ERAP2: variants seen among roughly 807,000 people sequenced by gnomAD.
ERAP2 encodes the protein endoplasmic reticulum aminopeptidase 2.
A neutral mutation model predicts 111.1 loss-of-function variants in ERAP2; 118 were observed. The observed-to-expected ratio is 1.06, with a 90% CI of 0.92 to 1.24. ERAP2 has a LOEUF of 1.24. Among genes scored for constraint, ERAP2 ranks in the 50% most tolerant of loss-of-function variants. The probability of loss-of-function intolerance (pLI) is 0.00; values close to 1 mark genes in which losing one functional copy is unlikely to be tolerated. For synonymous variants in ERAP2, 410 were observed against 401.2 expected (o/e 1.02, Z -0.26); for missense variants, 1,131 against 1,125.8 (o/e 1.00, Z -0.07).
intron 3 of ERAP2, among the ~76,000 whole-genome samples, chr5:96,884,165 AG>A (rs1783487793): frequency 2.0e-5 from 3 of 151,990 alleles, no homozygotes; most frequent in Non-Finnish European, 4.4e-5. Flanking sequence ...TCCCAAGCAA[AG>A]TGATTTATAT....
At chr5:96,878,800 T>C (rs1210729314) in intron 1 of ERAP2, among the ~76,000 whole-genome samples, 2 of 151,984 alleles carry the variant, frequency 1.3e-5, no homozygotes, top group Non-Finnish European at 2.9e-5. Flanking sequence ...TGGTGGCACA[T>C]ACCTGTAATC....
intron 3 of ERAP2, 133 bp downstream of exon 3, chr5:96,884,063 T>A (rs192250956): frequency 4.8e-6 from 3 of 625,026 alleles, no homozygotes; most frequent in African/African-American, 3.9e-5. Context: ...TCTATCTATC[T>A]ATCTATCTAT....
At chr5:96,912,552 TTG>T (rs1022826711) in intron 15 of ERAP2, 83 bp from the exon 16 acceptor site, 2 of 913,922 alleles carry the variant, frequency 2.2e-6, no homozygotes, top group African/African-American at 1.7e-5. Context: ...TCAGAGATTA[TTG>T]TGTTATAGGA....
chr5:96,884,006 T>C, intron 3 of ERAP2, 76 bp downstream of exon 3: 1 of 1,345,244 alleles, frequency 7.4e-7, no homozygotes, highest in Non-Finnish European at 1.0e-6. Context: ...TTAAAATTGC[T>C]TTCAGGATTT....
Position 96,879,682 on chromosome 5 carries a change from T to A in ERAP2, c.-4T>A. On this transcript the variant is annotated 5_prime_UTR_variant, in exon 2 of 19. Coordinates refer to ENST00000437043, the MANE Select transcript of ERAP2 (RefSeq NM_022350.5). ...ATTAACTTGTCTTCTAGAGAATAGA[T>A]TTCATGTTCCATTCTTCTGCAATGG... 6.2e-7 allele frequency: 1 copy of A among 1,611,068 alleles called. No homozygotes were observed. Among genetic ancestry groups the A allele is most frequent in the Non-Finnish European group, 8.5e-7 (1 of 1,177,272 alleles).
intron 7 of ERAP2, 108 bp from the exon 8 acceptor site, chr5:96,896,265 T>G: frequency 1.2e-6 from 1 of 840,440 alleles, no homozygotes; most frequent in Non-Finnish European, 1.8e-6. Flanking sequence ...CCAAGAAATA[T>G]CGATTGAAAT....
chr5:96,890,294 T>A lies in ERAP2; in HGVS notation c.970+989T>A, dbSNP rs1784202772. ...CCACCTCAGAGCATTGGGCATTAGA[T>A]TCTCATAAGGAACACGCAACTTAGA... On this transcript the variant is annotated intron_variant, in intron 5 of 18. Coordinates refer to ENST00000437043, the MANE Select transcript of ERAP2 (RefSeq NM_022350.5). 2.6e-5 allele frequency among the ~76,000 whole-genome samples: 4 copies of A among 152,276 alleles called. No individual in the cohort carries two copies. In the South Asian group the frequency reaches 8.3e-4, roughly 32 times the overall value.
intron 9 of ERAP2, among the ~76,000 whole-genome samples, chr5:96,897,164 CAT>C (rs1243578236): frequency 6.6e-6 from 1 of 152,124 alleles, no homozygotes; most frequent in East Asian, 1.9e-4. Flanking sequence ...TAATTTCTAC[CAT>C]ATAACACCTA....
intron 9 of ERAP2, among the ~76,000 whole-genome samples, chr5:96,899,434 T>C (rs1455662321): frequency 6.6e-6 from 1 of 152,192 alleles, no homozygotes; most frequent in Non-Finnish European, 1.5e-5. Flanking sequence ...TACATGTCAA[T>C]AGCAACTTGA....
Position 96,880,129 on chromosome 5 carries a change from T to G in ERAP2, c.444T>G (p.Ile148Met). The part of the protein sequence containing the change: ...KVLSYPAHEQ[I>M]ALLVPEKLTP... ...TGAGTTACCCTGCTCATGAACAAAT[T>G]GCACTGCTGGTTCCAGAGAAACTTA... Residue 148 changes from isoleucine to methionine, a missense_variant, in exon 2 of 19, where the codon ATT becomes ATG. Physicochemically the swap from Ile to Met is conservative, Grantham distance 10 (BLOSUM62 1). Around this residue, in one of 3 missense-constraint regions of ERAP2, gnomAD observed 847 missense variants for 856.5 expected, o/e 0.99. Coordinates refer to ENST00000437043, the MANE Select transcript of ERAP2 (RefSeq NM_022350.5). 1.2e-6 allele frequency: 2 copies of G among 1,614,122 alleles called. No individual in the cohort carries two copies. Among genetic ancestry groups the G allele is most frequent in the Non-Finnish European group, 1.7e-6 (2 of 1,180,000 alleles).
At position 96,877,938 on chromosome 5, in the gene ERAP2, G is replaced by A. The variant is rs540741480; in HGVS notation, c.-123+1411G>A. Among the ~76,000 whole-genome samples, 5 of 152,290 alleles carry A rather than the reference G, an allele frequency of 3.3e-5. No individual in the cohort carries two copies. In the South Asian group the frequency reaches 6.2e-4, roughly 19 times the overall value. On this transcript the variant is annotated intron_variant, in intron 1 of 18. Transcript: ENST00000437043. ...TGCAAATTGAAAAATTGAAGTAATT[G>A]TTTGGATAATTAATGCTGCAGAACT...
chr5:96,888,284 G>T (rs527479051), intron 4 of ERAP2, among the ~76,000 whole-genome samples: 2 of 152,314 alleles, frequency 1.3e-5, no homozygotes, highest in East Asian at 3.9e-4. Flanking sequence ...CTTAGACATG[G>T]ATGTCTATGC....
chr5:96,886,528 C>A (rs1048849947), intron 3 of ERAP2, 127 bp from the exon 4 acceptor site: 2 of 645,410 alleles, frequency 3.1e-6, no homozygotes, highest in South Asian at 5.6e-5. Flanking sequence ...GCCATTGCCC[C>A]CCTAGGAGGT....
chr5:96,899,680 A>C (rs1429730120), intron 9 of ERAP2, among the ~76,000 whole-genome samples: 1 of 152,210 alleles, frequency 6.6e-6, no homozygotes, highest in Non-Finnish European at 1.5e-5. Context: ...TTGGTAAACA[A>C]AGGTGTTTCC....
chr5:96,906,986 C>A (rs1000935258), intron 13 of ERAP2, among the ~76,000 whole-genome samples: 3 of 152,184 alleles, frequency 2.0e-5, no homozygotes, highest in Non-Finnish European at 4.4e-5. Context: ...CAAGATTGTG[C>A]CATTGCACTC....
chr5:96,881,274 G>C (rs1367173205), intron 2 of ERAP2: 2 of 386,588 alleles, frequency 5.2e-6, no homozygotes, highest in African/African-American at 2.1e-5. Flanking sequence ...GGTCATTGCA[G>C]TAGTTCAGGT....
At chr5:96,886,581 C>T (rs577433274) in intron 3 of ERAP2, 74 bp from the exon 4 acceptor site, 156 of 1,302,642 alleles carry the variant, frequency 1.2e-4, no homozygotes, top group Non-Finnish European at 1.5e-4. Flanking sequence ...TCTAACTCAC[C>T]TGCCATAAGT....
intron 5 of ERAP2, 141 bp from the exon 6 acceptor site, chr5:96,892,158 G>A: frequency 1.3e-6 from 1 of 768,234 alleles, no homozygotes; most frequent in South Asian, 1.9e-5. Context: ...AAGACACCCT[G>A]TCAATGTTAA....
Position 96,895,267 on chromosome 5 carries a change from A to G in ERAP2, c.1147A>G (p.Met383Val), listed in dbSNP as rs1260882453. Residue 383 changes from methionine to valine, a missense_variant, in exon 7 of 19, where the codon ATG becomes GTG. Around this residue, in one of 3 missense-constraint regions of ERAP2, gnomAD observed 847 missense variants for 856.5 expected, o/e 0.99. Coordinates refer to ENST00000437043, the MANE Select transcript of ERAP2 (RefSeq NM_022350.5). ...AHQWFGNLVT[M>V]EWWNDIWLKE... is the part of the protein sequence containing the mutation. Reference sequence around the variant, plus strand: ...CTAGTGGTTTGGCAACCTGGTCACAATGGAATGGTGGAATGATATTTGGCT... The same window carrying G: ...CTAGTGGTTTGGCAACCTGGTCACAGTGGAATGGTGGAATGATATTTGGCT... 6.2e-6 allele frequency: 10 copies of G among 1,612,010 alleles called. No homozygotes were observed. Among genetic ancestry groups the G allele is most frequent in the East Asian group, 4.5e-5 (2 of 44,788 alleles).
Sources: gnomAD v4.1 joint callset for allele counts (sites outside exome capture counted in the v4.1 genomes callset) on GRCh38, gnomAD v4.1.1 for gene constraint, gnomAD v4.1.1 regional missense constraint, MANE v1.5 for transcripts, NCBI Gene and HGNC (gene_info 2026-07-23, HGNC 2026-07-21) for gene names.